SCNN1B: variants seen among roughly 807,000 people sequenced by gnomAD.
SCNN1B encodes epithelial sodium channel subunit beta.
SCNN1B carries 46 observed loss-of-function variants against 65.3 expected under a neutral mutation model. That is an observed-to-expected ratio of 0.70 (90% CI 0.56 to 0.90). SCNN1B has a LOEUF of 0.90. Among genes scored for constraint, SCNN1B ranks in the 40% least tolerant of loss-of-function variants. SCNN1B has a pLI of 0.00. For synonymous variants in SCNN1B, 349 were observed against 330.6 expected (o/e 1.06, Z -0.60); for missense variants, 751 against 830.5 (o/e 0.90, Z 1.18).
chr16:23,357,257 T>C (rs767911035), intron 4 of SCNN1B, among the ~76,000 whole-genome samples: 5 of 152,230 alleles, frequency 3.3e-5, no homozygotes, highest in Non-Finnish European at 5.9e-5. Context: ...ATGAGAATTC[T>C]TCAGAAAGCT....
intron 1 of SCNN1B, chr16:23,323,653 C>A: frequency 1.4e-6 from 1 of 700,680 alleles, no homozygotes; most frequent in Non-Finnish European, 2.6e-6. Flanking sequence ...TTAACCACTA[C>A]CCCATTGTAA....
At chr16:23,363,708 G>A (rs968498738) in intron 4 of SCNN1B, among the ~76,000 whole-genome samples, 1 of 152,160 alleles carries the variant, frequency 6.6e-6, no homozygotes, top group East Asian at 1.9e-4. Context: ...CAGCTACTCA[G>A]GAGGCTGAGG....
intron 1 of SCNN1B, among the ~76,000 whole-genome samples, chr16:23,309,450 A>G (rs1241107739): frequency 6.6e-6 from 1 of 152,220 alleles, no homozygotes; most frequent in African/African-American, 2.4e-5. Context: ...ACAGATAGAT[A>G]GCTAAAGAGG....
chr16:23,370,033 C>T (rs543470337), intron 5 of SCNN1B, among the ~76,000 whole-genome samples: 7 of 152,242 alleles, frequency 4.6e-5, no homozygotes, highest in Non-Finnish European at 1.0e-4. Context: ...TGGGTTCAAG[C>T]GATTCTCCTG....
At chr16:23,289,920 C>T (rs1596807855) in intron 2 of SCNN1B, among the ~76,000 whole-genome samples, 1 of 152,130 alleles carries the variant, frequency 6.6e-6, no homozygotes, top group Admixed American at 6.6e-5. Context: ...AAATGATCCA[C>T]CCACCTCGGC....
intron 1 of SCNN1B, among the ~76,000 whole-genome samples, chr16:23,335,444 G>A (rs1193263691): frequency 6.9e-6 from 1 of 145,192 alleles, no homozygotes; most frequent in African/African-American, 2.7e-5. Flanking sequence ...GAGCCACCGT[G>A]CCAGCCTGTA....
intron 8 of SCNN1B, among the ~76,000 whole-genome samples, chr16:23,376,478 T>C (rs1596887907): frequency 1.3e-5 from 2 of 150,048 alleles, no homozygotes; most frequent in South Asian, 4.2e-4. Flanking sequence ...GGAAGGGGAG[T>C]GTGAGGAAGC....
intron 2 of SCNN1B, among the ~76,000 whole-genome samples, chr16:23,295,427 T>C (rs4967996): frequency 0.49 from 74,538 of 151,600 alleles, 22,517 homozygotes; most frequent in African/African-American, 0.86. Flanking sequence ...GTTGCCCAGG[T>C]TGGTCTCAAA....
At chr16:23,339,440 G>A (rs1962008590) in intron 1 of SCNN1B, among the ~76,000 whole-genome samples, 1 of 151,802 alleles carries the variant, frequency 6.6e-6, no homozygotes. Context: ...TAGAGACAGG[G>A]TCTTACTATG....
rs755225595 is a variant in SCNN1B, at chr16:23,348,785, C to A, written c.186C>A (p.Leu62=). The A allele has an allele frequency of 6.2e-7, 1 of 1,614,198 alleles. No individual in the cohort carries two copies. Among genetic ancestry groups the A allele is most frequent in the Non-Finnish European group, 8.5e-7 (1 of 1,180,036 alleles). The change falls in exon 2 of 13, where the codon CTC becomes CTA. Residue 62 remains leucine (L), a synonymous_variant. Coordinates refer to ENST00000343070, the MANE Select transcript of SCNN1B (RefSeq NM_000336.3). The surrounding 1 kb of genome is among the most constrained non-coding windows in gnomAD (Gnocchi z 4.5). ...TGCTCACCCTGCTCTTCGCCGCCCT[C>A]GTCTGCTGGCAGTGGGGCATCTTCA... ...WFLLTLLFAA[L]VCWQWGIFIR...
intron 1 of SCNN1B, among the ~76,000 whole-genome samples, chr16:23,314,685 G>T (rs1390958951): frequency 6.6e-6 from 1 of 152,166 alleles, no homozygotes; most frequent in East Asian, 1.9e-4. Flanking sequence ...CAAGTGTAAG[G>T]TTTCGGCTTT....
At chr16:23,286,758 G>A (rs940767505) in intron 2 of SCNN1B, among the ~76,000 whole-genome samples, 2 of 152,114 alleles carry the variant, frequency 1.3e-5, no homozygotes, top group African/African-American at 4.8e-5. Flanking sequence ...AGAACGGGAA[G>A]GGAAGCTAGT....
At chr16:23,285,226 G>A (rs976445598) in intron 2 of SCNN1B, among the ~76,000 whole-genome samples, 18 of 152,180 alleles carry the variant, frequency 1.2e-4, no homozygotes, top group Admixed American at 9.2e-4. Flanking sequence ...AGGCTGGAAT[G>A]CCATGATGTG....
chr16:23,351,957 A>T (rs891570911), intron 2 of SCNN1B, among the ~76,000 whole-genome samples: 1 of 152,156 alleles, frequency 6.6e-6, no homozygotes, highest in African/African-American at 2.4e-5. Context: ...TCTGCCCTTT[A>T]TCAGTGGAGT....
intron 7 of SCNN1B, among the ~76,000 whole-genome samples, chr16:23,373,152 T>C (rs1962820568): frequency 6.6e-6 from 1 of 152,128 alleles, no homozygotes; most frequent in Non-Finnish European, 1.5e-5. Context: ...AGGGTCTTGC[T>C]CTGTTACCCA....
At chr16:23,367,779 A>G in intron 4 of SCNN1B, 77 bp from the exon 5 acceptor site, 2 of 1,146,342 alleles carry the variant, frequency 1.7e-6, no homozygotes, top group Non-Finnish European at 2.6e-6. Context: ...GGAGGAAATG[A>G]AAGGTGGACG....
intron 6 of SCNN1B, 152 bp downstream of exon 6, chr16:23,371,614 A>C: frequency 2.8e-6 from 3 of 1,062,684 alleles, no homozygotes; most frequent in Non-Finnish European, 2.8e-6. Flanking sequence ...GGGTGGCCCA[A>C]GCTTTAGGGG....
Position 23,348,872 on chromosome 16 carries a change from C to T in SCNN1B, c.273C>T (p.Asp91=). 3 of 1,614,120 alleles carry T rather than the reference C, an allele frequency of 1.9e-6. 1 individual carries two copies. The Middle Eastern group carries it at 4.9e-4, about 266-fold the overall frequency. Residue 91 remains aspartate (D), a synonymous_variant, in exon 2 of 13, where the codon GAC becomes GAT. Coordinates refer to ENST00000343070, the MANE Select transcript of SCNN1B (RefSeq NM_000336.3). This position sits in a 1 kb window ranked among gnomAD's most constrained non-coding sequence, Gnocchi z 4.5. ...VSLSVGFKTM[D]FPAVTICNAS... is the part of the protein sequence containing the mutation. ...TCTCCGTAGGCTTCAAGACCATGGA[C>T]TTCCCTGCCGTCACCATCTGCAATG...
intron 4 of SCNN1B, among the ~76,000 whole-genome samples, chr16:23,357,200 T>G (rs1333994162): frequency 6.6e-6 from 1 of 152,200 alleles, no homozygotes; most frequent in Non-Finnish European, 1.5e-5. Flanking sequence ...TCCGAGGGAC[T>G]GGGGTTGCAG....
Sources: gnomAD v4.1 joint callset for allele counts (sites outside exome capture counted in the v4.1 genomes callset) on GRCh38, gnomAD v4.1.1 for gene constraint, Gnocchi (gnomAD v3.1) non-coding constraint, MANE v1.5 for transcripts, NCBI Gene and HGNC (gene_info 2026-07-23, HGNC 2026-07-21) for gene names.